MUC4: variants seen among roughly 807,000 people sequenced by gnomAD.
MUC4 encodes mucin 4, cell surface associated.
A neutral mutation model predicts 257.9 loss-of-function variants in MUC4; 202 were observed. The ratio of observed to expected loss-of-function variants is 0.78; its 90% CI spans 0.70 to 0.88. The LOEUF is 0.88. MUC4 is among the 40% of genes least tolerant of loss of function. MUC4 has a pLI of 0.00. For synonymous variants in MUC4, 2,351 were observed against 2,757.1 expected (o/e 0.85, Z 4.62); for missense variants, 5,976 against 6,513.7 (o/e 0.92, Z 2.84).
chr3:195,772,228 C>T (rs13078480), intron 4 of MUC4, among the ~76,000 whole-genome samples: 1 of 135,108 alleles, frequency 7.4e-6, no homozygotes, highest in Non-Finnish European at 1.6e-5. Flanking sequence ...TGGAGCCCTC[C>T]CTCCGTCGCT....
In MUC4 at chr3:195,760,981, G is replaced by A; in HGVS notation, c.14751C>T (p.Ser4917=). The A allele has an allele frequency of 6.2e-7, 1 of 1,614,160 alleles. No homozygotes were observed. The highest frequency in any genetic ancestry group is 1.3e-5 in the African/African-American group (1 of 75,030). ...GGGCCAGGGTGTCATAGATGCATGA[G>A]CTATCTCCGTCACAGTTGGAGATCA... ...EHLISNCDGD[S]SCIYDTLALR... Residue 4917 remains serine, a synonymous_variant, in exon 16 of 25, where the codon AGC becomes AGT. Coordinates refer to ENST00000463781, the MANE Select transcript of MUC4 (RefSeq NM_018406.7).
At chr3:195,775,143 G>A (rs1484530452) in intron 3 of MUC4, among the ~76,000 whole-genome samples, 2 of 152,000 alleles carry the variant, frequency 1.3e-5, no homozygotes, top group African/African-American at 4.8e-5. Context: ...TTGGAAACCC[G>A]CAGGCTCTCC....
intron 18 of MUC4, among the ~76,000 whole-genome samples, chr3:195,756,579 C>T (rs1303412177): frequency 6.6e-6 from 1 of 150,806 alleles, no homozygotes; most frequent in African/African-American, 2.4e-5. Flanking sequence ...TTCTTTCTTT[C>T]TTTTTCTCCT....
At chr3:195,771,089 G>C in intron 5 of MUC4, among the ~76,000 whole-genome samples, 1 of 149,774 alleles carries the variant, frequency 6.7e-6, no homozygotes, top group Non-Finnish European at 1.5e-5. Context: ...GGCCGGGTTG[G>C]GGTATTCCTG....
chr3:195,753,425 ATTC>A, intron 19 of MUC4, 195 bp from the exon 20 acceptor site: 1 of 582,676 alleles, frequency 1.7e-6, no homozygotes, highest in Non-Finnish European at 3.0e-6. Flanking sequence ...CCAGACAGGT[ATTC>A]TTCCACTTTT....
rs1736626282 is a variant in MUC4 at position 195,810,948 on chromosome 3, T to C, written c.82+788A>G. Among the ~76,000 whole-genome samples the C allele has an allele frequency of 6.6e-6, 1 of 151,982 alleles. No individual in the cohort carries two copies. Among genetic ancestry groups the C allele is most frequent in the South Asian group, 2.1e-4 (1 of 4,824 alleles). On this transcript the variant is annotated intron_variant, in intron 1 of 24. Transcript: ENST00000463781. The surrounding 1 kb of genome is among the most constrained non-coding windows in gnomAD (Gnocchi z 4.2). The stretch of plus-strand genomic sequence containing the variant: ...CCTCTTGCTCTGGCTCTGCCTGTCT[T>C]TCTCTCTGCGAGTAAGCCTGGGCTC...
intron 9 of MUC4, 67 bp downstream of exon 9, chr3:195,765,203 G>A (rs1720171325): frequency 3.8e-6 from 6 of 1,585,674 alleles, no homozygotes; most frequent in Non-Finnish European, 5.2e-6. Flanking sequence ...TGTTTCTGGG[G>A]AGAGGCTGAG....
intron 7 of MUC4, among the ~76,000 whole-genome samples, chr3:195,767,729 ACCACCACCATCACCATCG>A (rs1560264179): frequency 0.054 from 60 of 1,104 alleles, 2 homozygotes; most frequent in South Asian, 0.21. Flanking sequence ...CACCACCATC[ACCACCACCATCACCATCG>A]CCACCACCAC....
chr3:195,801,957 G>A (rs755584819), intron 1 of MUC4, among the ~76,000 whole-genome samples: 7 of 151,622 alleles, frequency 4.6e-5, no homozygotes, highest in Non-Finnish European at 1.0e-4. Context: ...CCCGCTCCAC[G>A]CCCAGATGAC....
In MUC4 at chr3:195,747,317, G is replaced by A. The variant is rs1216011274; in HGVS notation, c.16098C>T (p.Leu5366=). ...GEHCEHLSMK[L]DAFFGIFFGA... is the part of the protein sequence containing the mutation. ...CAAAGAAGATGCCGAAGAACGCGTC[G>A]AGTTTCATGCTCAGGTGCTCACAGT... Residue 5366 remains leucine (L), a synonymous_variant, in exon 25 of 25, where the codon CTC becomes CTT. Transcript: ENST00000463781. The A allele has an allele frequency of 1.9e-6, 3 of 1,614,130 alleles. No homozygotes were observed. In the South Asian group the frequency reaches 3.3e-5, roughly 18 times the overall value.
At position 195,790,710 on chromosome 3, in the gene MUC4, C is replaced by A; in HGVS notation, c.870G>T (p.Met290Ile). 3 of 1,613,878 alleles carry A rather than the reference C, an allele frequency of 1.9e-6. No homozygotes were observed. Among genetic ancestry groups the A allele is most frequent in the Non-Finnish European group, 2.5e-6 (3 of 1,179,868 alleles). ...TTACTAAGGCTGCTGAGGTGACTGG[C>A]ATAAGACTTCCAGTAACAGGTACTG... ...TSSVPVTGSLMPVTSAALVTF... is the reference protein window; with the variant it reads ...TSSVPVTGSLIPVTSAALVTF... Residue 290 changes from methionine to isoleucine, a missense_variant, in exon 2 of 25, where the codon ATG becomes ATT. Met to Ile is a conservative substitution (Grantham distance 10, BLOSUM62 1). This residue lies in a region of MUC4 where 1,583 missense variants were observed against 1,257.4 expected (regional missense o/e 1.26). Transcript: ENST00000463781.
chr3:195,807,790 T>C (rs1736168944), intron 1 of MUC4, among the ~76,000 whole-genome samples: 1 of 152,232 alleles, frequency 6.6e-6, no homozygotes, highest in African/African-American at 2.4e-5. Flanking sequence ...AAACCACCCG[T>C]TGAGCGTACA....
chr3:195,749,306 T>C (rs420168), intron 23 of MUC4, among the ~76,000 whole-genome samples: 4 of 136,702 alleles, frequency 2.9e-5, no homozygotes, highest in African/African-American at 1.1e-4. Flanking sequence ...ATGGAAAAAG[T>C]TTCCTAGGGA....
At chr3:195,758,342 G>A (rs1291406301) in intron 17 of MUC4, among the ~76,000 whole-genome samples, 2 of 152,202 alleles carry the variant, frequency 1.3e-5, no homozygotes, top group East Asian at 1.9e-4. Flanking sequence ...GGAGAGACAC[G>A]GCTAGGTAAA....
At chr3:195,799,102 A>G (rs1734953003) in intron 1 of MUC4, among the ~76,000 whole-genome samples, 2 of 152,150 alleles carry the variant, frequency 1.3e-5, no homozygotes, top group South Asian at 4.1e-4. Flanking sequence ...TGTGTCCACC[A>G]TACCCACCTC....
chr3:195,795,341 C>T (rs1734438374), intron 1 of MUC4, among the ~76,000 whole-genome samples: 1 of 152,084 alleles, frequency 6.6e-6, no homozygotes, highest in Admixed American at 6.6e-5. Context: ...TTCATGACAG[C>T]ACCGTCCTTT....
At chr3:195,800,516 C>G (rs904116340) in intron 1 of MUC4, among the ~76,000 whole-genome samples, 1 of 152,108 alleles carries the variant, frequency 6.6e-6, no homozygotes, top group Non-Finnish European at 1.5e-5. Flanking sequence ...GCATTCGTTA[C>G]GACAAAACTA....
Position 195,788,768 on chromosome 3 carries a change from T to G in MUC4, c.2812A>C (p.Thr938Pro). 1 of 1,613,752 alleles carries G rather than the reference T, an allele frequency of 6.2e-7. No homozygotes were observed. Among genetic ancestry groups the G allele is most frequent in the South Asian group, 1.1e-5 (1 of 91,074 alleles). ...ATDTFSTVPP[T>P]PPSITSTGLT... Reference sequence around the variant, plus strand: ...CCAGTGGATGTGATCGATGGAGGTGTGGGTGGGACTGTTGAGAAGGTGTCG... The same window carrying G: ...CCAGTGGATGTGATCGATGGAGGTGGGGGTGGGACTGTTGAGAAGGTGTCG... The change falls in exon 2 of 25, where the codon ACA becomes CCA. Residue 938 changes from threonine (T) to proline (P), a missense_variant. Coordinates refer to ENST00000463781, the MANE Select transcript of MUC4 (RefSeq NM_018406.7).
chr3:195,802,112 T>C (rs1357879072), intron 1 of MUC4, among the ~76,000 whole-genome samples: 1 of 152,220 alleles, frequency 6.6e-6, no homozygotes, highest in East Asian at 1.9e-4. Context: ...GCCTAGCTCA[T>C]GCAATGCAAC....
Sources: gnomAD v4.1 joint callset for allele counts (sites outside exome capture counted in the v4.1 genomes callset) on GRCh38, gnomAD v4.1.1 for gene constraint, gnomAD v4.1.1 regional missense constraint, Gnocchi (gnomAD v3.1) non-coding constraint, MANE v1.5 for transcripts, NCBI Gene and HGNC (gene_info 2026-07-23, HGNC 2026-07-21) for gene names.